SLCO1A2: variants seen among roughly 807,000 people sequenced by gnomAD.
SLCO1A2 encodes the protein OATP-1.
Under a neutral mutation model 69.0 loss-of-function variants are expected in SLCO1A2, and 67 were observed. The observed-to-expected ratio is 0.97, with a 90% CI of 0.80 to 1.19. SLCO1A2 has a LOEUF of 1.19. Among genes scored for constraint, SLCO1A2 ranks in the 50% most tolerant of loss-of-function variants. SLCO1A2 has a pLI of 0.00. For synonymous variants in SLCO1A2, 260 were observed against 265.9 expected, an observed-to-expected ratio of 0.98 and a Z score of 0.22; for missense variants, 787 against 793.7, an observed-to-expected ratio of 0.99 and a Z score of 0.10.
chr12:21,382,866 CA>C (rs1347920708), intron 1 of SLCO1A2, among the ~76,000 whole-genome samples: 1 of 151,568 alleles, frequency 6.6e-6, no homozygotes, highest in Non-Finnish European at 1.5e-5. Flanking sequence ...TCTAAGATCA[CA>C]TAGTCAGGAT....
chr12:21,374,819 GTC>G (rs71043266), intron 1 of SLCO1A2, among the ~76,000 whole-genome samples: 224 of 147,344 alleles, frequency 1.5e-3, no homozygotes, highest in Non-Finnish European at 1.7e-3. Flanking sequence ...TTGAGACAGG[GTC>G]TCTCTCTCTC....
upstream of SLCO1A2, among the ~76,000 whole-genome samples, chr12:21,400,431 A>C (rs1347680702): frequency 2.1e-5 from 3 of 145,582 alleles, no homozygotes; most frequent in African/African-American, 7.6e-5. Flanking sequence ...TGTTGGTGGG[A>C]CTGTAAACTA....
intron 1 of SLCO1A2, among the ~76,000 whole-genome samples, chr12:21,375,936 G>A (rs1221545397): frequency 6.6e-6 from 1 of 152,094 alleles, no homozygotes; most frequent in Non-Finnish European, 1.5e-5. Context: ...GGGAGGTAAT[G>A]CCTTTTATTA....
intron 1 of SLCO1A2, among the ~76,000 whole-genome samples, chr12:21,405,623 G>A (rs936824629): frequency 1.3e-5 from 2 of 152,056 alleles, no homozygotes; most frequent in African/African-American, 2.4e-5. Flanking sequence ...AAACAAGACC[G>A]CACATCTACA....
intron 2 of SLCO1A2, among the ~76,000 whole-genome samples, chr12:21,363,645 G>A (rs144622370): frequency 0.065 from 9,862 of 152,122 alleles, 345 homozygotes; most frequent in Middle Eastern, 0.14. Flanking sequence ...TTGATAGACT[G>A]CTAGCAAGAC....
At chr12:21,271,023 G>A (rs1942730930) in intron 14 of SLCO1A2, among the ~76,000 whole-genome samples, 1 of 151,552 alleles carries the variant, frequency 6.6e-6, no homozygotes. Context: ...AACAGTACTA[G>A]GATTCAGAAA....
chr12:21,287,983 C>A (rs1946212962), intron 12 of SLCO1A2, among the ~76,000 whole-genome samples: 1 of 124,654 alleles, frequency 8.0e-6, no homozygotes, highest in African/African-American at 3.1e-5. Context: ...GCACAATGTG[C>A]ACATGTACCC....
intron 12 of SLCO1A2, among the ~76,000 whole-genome samples, chr12:21,290,197 C>A (rs1946626616): frequency 6.6e-6 from 1 of 151,680 alleles, no homozygotes; most frequent in Admixed American, 6.6e-5. Flanking sequence ...TTTAAGGATA[C>A]AAAGGAATAT....
intron 1 of SLCO1A2, among the ~76,000 whole-genome samples, chr12:21,382,017 C>T (rs779977986): frequency 6.6e-6 from 1 of 152,158 alleles, no homozygotes; most frequent in Admixed American, 6.5e-5. Context: ...ATGAAAAACA[C>T]ACTTGCACAC....
At chr12:21,304,625 G>GTAATATTAA in intron 5 of SLCO1A2, 52 bp from the exon 6 acceptor site, 1 of 1,484,176 alleles carries the variant, frequency 6.7e-7, no homozygotes, top group Non-Finnish European at 9.2e-7. Context: ...TAAAGTGTCA[G>GTAATATTAA]TAATATTAAT....
intron 1 of SLCO1A2, among the ~76,000 whole-genome samples, chr12:21,394,267 G>A (rs879714439): frequency 6.6e-6 from 1 of 152,134 alleles, no homozygotes; most frequent in Admixed American, 6.5e-5. Context: ...GGTCAGTGCA[G>A]TGGGCTGTGA....
In SLCO1A2 at chr12:21,413,097, TA is replaced by T. The variant is rs201690090; in HGVS notation, c.-312+4784del. ...GTGCCTCTTAATTTTATTTTTGTATTATTTTTTTTGATTTTGGTATATATGT... is the reference window on the plus strand; with the variant it reads ...GTGCCTCTTAATTTTATTTTTGTATTTTTTTTTTGATTTTGGTATATATGT... On this transcript the variant is annotated intron_variant, in intron 1 of 4. Transcript: ENST00000413682. 8.2e-3 allele frequency among the ~76,000 whole-genome samples: 1,241 copies of T among 152,260 alleles called. 17 individuals carry two copies. Among genetic ancestry groups the T allele is most frequent in the East Asian group, 0.05 (259 of 5,182 alleles).
chr12:21,333,758 G>A (rs1033676324), intron 2 of SLCO1A2, among the ~76,000 whole-genome samples: 5 of 152,022 alleles, frequency 3.3e-5, no homozygotes, highest in African/African-American at 1.2e-4. Flanking sequence ...CTATAAGGTG[G>A]GAATGTTGCT....
chr12:21,373,807 C>G (rs972685721), intron 2 of SLCO1A2: 2 of 630,584 alleles, frequency 3.2e-6, no homozygotes, highest in African/African-American at 3.7e-5. Flanking sequence ...TATTTTTATA[C>G]CAAGTGGATT....
At chr12:21,284,062 A>G (rs1945281103) in intron 12 of SLCO1A2, among the ~76,000 whole-genome samples, 2 of 152,192 alleles carry the variant, frequency 1.3e-5, no homozygotes, top group East Asian at 1.9e-4. Flanking sequence ...ACTTCTAGGT[A>G]TTAATATATA....
chr12:21,415,384 G>A lies in SLCO1A2; in HGVS notation c.-312+2498C>T, dbSNP rs148450897. On this transcript the variant is annotated intron_variant, in intron 1 of 4. Transcript: ENST00000413682. ...GCAACAAATGTTTATTCTTTTAATC[G>A]TCTTTACCTCATATATTTCATATAT... 6.1e-4 allele frequency among the ~76,000 whole-genome samples: 92 copies of A among 151,960 alleles called. 1 individual carries two copies. The East Asian group carries it at 0.014, about 24-fold the overall frequency.
At chr12:21,293,519 C>T (rs1326789594) in intron 11 of SLCO1A2, among the ~76,000 whole-genome samples, 1 of 151,446 alleles carries the variant, frequency 6.6e-6, no homozygotes, top group Admixed American at 6.6e-5. Context: ...AAAGAACTGT[C>T]AGAATGTGAA....
chr12:21,384,866 C>A (rs921625748), intron 1 of SLCO1A2, among the ~76,000 whole-genome samples: 1 of 151,124 alleles, frequency 6.6e-6, no homozygotes, highest in Non-Finnish European at 1.5e-5. Flanking sequence ...TCCAGGTTCA[C>A]GCCATTCTCC....
intron 2 of SLCO1A2, among the ~76,000 whole-genome samples, chr12:21,327,596 G>A (rs375862505): frequency 3.7e-4 from 57 of 152,266 alleles, no homozygotes; most frequent in East Asian, 3.3e-3. Context: ...TGTGAGACAC[G>A]CAGTCAAAGG....
Sources: allele counts gnomAD v4.1 joint callset (sites outside exome capture counted in the v4.1 genomes callset), GRCh38; gene constraint gnomAD v4.1.1; transcripts MANE v1.5; gene names NCBI Gene and HGNC (gene_info 2026-07-23, HGNC 2026-07-21).